The following SLC16A6 variants were observed in gnomAD, a reference collection of about 807,000 sequenced individuals.
SLC16A6 encodes monocarboxylate transporter 7.
In SLC16A6, 15 loss-of-function variants were observed where a neutral mutation model predicts 33.8. The ratio of observed to expected loss-of-function variants is 0.44; its 90% CI spans 0.30 to 0.68. SLC16A6 has a LOEUF of 0.68. Ranked by LOEUF, SLC16A6 falls within the 30% of genes least tolerant of loss-of-function variation. SLC16A6 has a pLI of 0.10. For synonymous variants in SLC16A6, 219 were observed against 248.4 expected, an observed-to-expected ratio of 0.88 and a Z score of 1.11; for missense variants, 451 against 661.5, an observed-to-expected ratio of 0.68 and a Z score of 3.49.
chr17:68,287,124 C>T (rs145907939), intron 1 of SLC16A6, among the ~76,000 whole-genome samples: 314 of 152,320 alleles, frequency 2.1e-3, no homozygotes, highest in Non-Finnish European at 3.6e-3. Context: ...GCTGGGATTA[C>T]AGGCATGCGC....
intron 2 of SLC16A6, among the ~76,000 whole-genome samples, chr17:68,275,666 T>G (rs1301823710): frequency 6.6e-6 from 1 of 152,140 alleles, no homozygotes; most frequent in East Asian, 1.9e-4. Context: ...AGAAGGTAAT[T>G]AAGCATTCCA....
chr17:68,274,187 C>A, intron 2 of SLC16A6, 117 bp from the exon 3 acceptor site: 1 of 1,117,956 alleles, frequency 8.9e-7, no homozygotes, highest in Non-Finnish European at 1.3e-6. Context: ...TAAATATGGC[C>A]GAGCGCAGTG....
At chr17:68,279,474 A>C (rs997729171) in intron 1 of SLC16A6, among the ~76,000 whole-genome samples, 3 of 152,142 alleles carry the variant, frequency 2.0e-5, no homozygotes, top group Admixed American at 2.0e-4. Context: ...AATTTCCTCA[A>C]AGTTGACCAC....
intron 2 of SLC16A6, among the ~76,000 whole-genome samples, chr17:68,277,267 A>C (rs1000592033): frequency 2.6e-5 from 4 of 151,396 alleles, no homozygotes; most frequent in Non-Finnish European, 5.9e-5. Flanking sequence ...GAGTGCTGGG[A>C]TTACAGGCAC....
At chr17:68,273,165 C>G (rs1180066891) in intron 3 of SLC16A6, among the ~76,000 whole-genome samples, 4 of 151,758 alleles carry the variant, frequency 2.6e-5, no homozygotes, top group Non-Finnish European at 5.9e-5. Context: ...GTGTGTGTAT[C>G]TATCATCTAT....
Position 68,278,089 on chromosome 17 carries a change from C to A in SLC16A6, c.232G>T (p.Ala78Ser). 1 of 1,610,262 alleles carries A rather than the reference C, an allele frequency of 6.2e-7. No homozygotes were observed. Among genetic ancestry groups the A allele is most frequent in the Non-Finnish European group, 8.5e-7 (1 of 1,176,720 alleles). ...SICVFVLTFS[A>S]PLATVLSNRF... ...TGGTTAGGCCGAAAGATGTACTAAC[C>A]TGAAAATGTTAAGACAAACACACAG... Residue 78 changes from alanine (A) to serine (S), a missense_variant and splice_region_variant, in exon 2 of 6, where the codon GCT (alanine) becomes TCT (serine). Transcript: ENST00000580666.
chr17:68,272,050 C>T (rs1446482813), intron 4 of SLC16A6, among the ~76,000 whole-genome samples: 2 of 152,066 alleles, frequency 1.3e-5, no homozygotes, highest in Non-Finnish European at 2.9e-5. Flanking sequence ...ATCTGCCTGC[C>T]TCGGCCTCTC....
intron 2 of SLC16A6, among the ~76,000 whole-genome samples, chr17:68,275,226 A>G (rs2075475291): frequency 6.6e-6 from 1 of 152,210 alleles, no homozygotes; most frequent in African/African-American, 2.4e-5. Context: ...AAATCTGGCA[A>G]ATTAGTTTCC....
chr17:68,273,245 G>C (rs147129203), intron 3 of SLC16A6, among the ~76,000 whole-genome samples: 274 of 150,228 alleles, frequency 1.8e-3, no homozygotes, highest in African/African-American at 6.5e-3. Flanking sequence ...GTCTCACTCT[G>C]TTGCCCAGGC....
chr17:68,276,010 A>G lies in SLC16A6; in HGVS notation c.233-1940T>C, dbSNP rs145893174. 2.0e-3 allele frequency among the ~76,000 whole-genome samples: 298 copies of G among 150,614 alleles called. 5 individuals are homozygous for G. Among genetic ancestry groups the G allele is most frequent in the Middle Eastern group, 0.018 (5 of 276 alleles). On this transcript the variant is annotated intron_variant, in intron 2 of 5. Transcript: ENST00000580666. ...AAAAAAAAAAAATTAAGTTATCTTG[A>G]TACTCACTTAAAATAGAACCAGGAA...
Position 68,271,103 on chromosome 17 carries a change from T to C in SLC16A6, c.1057A>G (p.Arg353Gly), listed in dbSNP as rs2075324184. Reference protein sequence around the residue: ...GRIGAGFVLNREPIRKIYIEL... With the variant: ...GRIGAGFVLNGEPIRKIYIEL... The stretch of plus-strand genomic sequence containing the variant: ...ATGTAAATCTTACGAATGGGCTCCC[T>C]GTTGAGGACAAAACCAGCTCCGATC... The change falls in exon 5 of 6, where the codon AGG becomes GGG. Residue 353 changes from arginine (R) to glycine (G), a missense_variant. Arg to Gly is a moderately radical substitution (Grantham distance 125). Transcript: ENST00000580666. This position sits in a 1 kb window ranked among gnomAD's most constrained non-coding sequence, Gnocchi z 5.3. The C allele has an allele frequency of 6.2e-7, 1 of 1,614,214 alleles. No homozygotes were observed. The highest frequency in any genetic ancestry group is 1.1e-5 in the South Asian group (1 of 91,078).
chr17:68,276,849 T>C (rs2075539536), intron 2 of SLC16A6, among the ~76,000 whole-genome samples: 1 of 152,200 alleles, frequency 6.6e-6, no homozygotes, highest in Admixed American at 6.5e-5. Context: ...AGACCTGGCA[T>C]GTATATTCAA....
At chr17:68,276,435 C>T (rs1299075277) in intron 2 of SLC16A6, among the ~76,000 whole-genome samples, 1 of 151,966 alleles carries the variant, frequency 6.6e-6, no homozygotes, top group South Asian at 2.1e-4. Flanking sequence ...TAAGGTCAGC[C>T]TGGTTAACTT....
chr17:68,287,991 T>TA (rs2075881402), intron 1 of SLC16A6, among the ~76,000 whole-genome samples: 1 of 128,940 alleles, frequency 7.8e-6, no homozygotes, highest in Non-Finnish European at 1.7e-5. Flanking sequence ...CCCTCCTTTC[T>TA]TTTTTTTTTT....
At chr17:68,279,684 AGACATT>A (rs1372609374) in intron 1 of SLC16A6, among the ~76,000 whole-genome samples, 3 of 152,306 alleles carry the variant, frequency 2.0e-5, no homozygotes, top group South Asian at 2.1e-4. Flanking sequence ...ACTTCTAAGG[AGACATT>A]GACATTGACA....
At position 68,280,990 on chromosome 17, in the gene SLC16A6, G is replaced by A. The variant is rs62087132; in HGVS notation, c.-7-2663C>T. 3.7e-3 allele frequency among the ~76,000 whole-genome samples: 563 copies of A among 152,076 alleles called. 3 individuals are homozygous for A. The highest frequency in any genetic ancestry group is 6.6e-3 in the Non-Finnish European group (451 of 67,984). On this transcript the variant is annotated intron_variant, in intron 1 of 5. Transcript: ENST00000580666. ...AAATACGAAAAATTAACTGGGCCTG[G>A]TGGCACACACCTGTAGTCCCAGCTG...
intron 1 of SLC16A6, among the ~76,000 whole-genome samples, chr17:68,289,883 A>G (rs2075929488): frequency 6.6e-6 from 1 of 152,164 alleles, no homozygotes; most frequent in Admixed American, 6.6e-5. Flanking sequence ...GTTTATTTAC[A>G]CACTGTAAGT....
At chr17:68,287,953 TTC>T (rs150311794) in intron 1 of SLC16A6, among the ~76,000 whole-genome samples, 41 of 146,000 alleles carry the variant, frequency 2.8e-4, no homozygotes, top group Non-Finnish European at 2.8e-4. Flanking sequence ...CTCTCTCTCT[TTC>T]TCTCTCTCTC....
rs73351327 is a variant in SLC16A6, at chr17:68,279,609, C to T, written c.-7-1282G>A. Among the ~76,000 whole-genome samples the T allele has an allele frequency of 3.5e-3, 526 of 152,272 alleles. 4 individuals carry two copies. The highest frequency in any genetic ancestry group is 0.012 in the African/African-American group (511 of 41,552). On this transcript the variant is annotated intron_variant, in intron 1 of 5. Coordinates refer to ENST00000580666, the MANE Select transcript of SLC16A6 (RefSeq NM_004694.5). ...TGGACACCAGTTAACTGAGTTACCC[C>T]TAACCTCACTGTGCCTCTCCATTCA...
Sources: allele counts gnomAD v4.1 joint callset (sites outside exome capture counted in the v4.1 genomes callset), GRCh38; gene constraint gnomAD v4.1.1; non-coding constraint Gnocchi (gnomAD v3.1); transcripts MANE v1.5; gene names NCBI Gene and HGNC (gene_info 2026-07-23, HGNC 2026-07-21).